The following ASTN2 variants were observed in gnomAD, a reference collection of about 807,000 sequenced individuals.
The protein encoded by ASTN2 is astrotactin 2.
In ASTN2, 54 loss-of-function variants were observed where a neutral mutation model predicts 139.8. The observed-to-expected ratio is 0.39, with a 90% CI of 0.31 to 0.48. The LOEUF (loss-of-function observed/expected upper bound fraction) is 0.48, where lower values mean the gene tolerates loss of function less well. Among genes scored for constraint, ASTN2 ranks in the 20% least tolerant of loss-of-function variants. The pLI, the probability that ASTN2 is intolerant of heterozygous loss-of-function variation, is 0.95. For synonymous variants in ASTN2, 756 were observed against 719.5 expected, an observed-to-expected ratio of 1.05 and a Z score of -0.81; for missense variants, 1,565 against 1,725.1, an observed-to-expected ratio of 0.91 and a Z score of 1.64.
At chr9:116,595,979 C>T (rs1854555525) in intron 19 of ASTN2, among the ~76,000 whole-genome samples, 1 of 152,166 alleles carries the variant, frequency 6.6e-6, no homozygotes, top group Non-Finnish European at 1.5e-5. Context: ...TCTGTACCCC[C>T]GTGCTCACTG....
At chr9:117,339,063 C>T (rs1015084513) in intron 1 of ASTN2, among the ~76,000 whole-genome samples, 3 of 151,942 alleles carry the variant, frequency 2.0e-5, no homozygotes, top group Admixed American at 6.6e-5. Context: ...CTGTTTGATC[C>T]CAGCTTTCCC....
chr9:117,084,260 C>A (rs1828504640), intron 5 of ASTN2, among the ~76,000 whole-genome samples: 2 of 152,182 alleles, frequency 1.3e-5, no homozygotes, highest in South Asian at 4.1e-4. Context: ...TCCAAACTCC[C>A]AGTTTCTCTG....
chr9:116,849,652 G>A (rs1021312657), intron 11 of ASTN2, among the ~76,000 whole-genome samples: 6 of 152,184 alleles, frequency 3.9e-5, no homozygotes, highest in African/African-American at 1.2e-4. Context: ...CTTGTGCCTA[G>A]CAGTGAGTTA....
intron 2 of ASTN2, among the ~76,000 whole-genome samples, chr9:117,269,830 G>T (rs1002795883): frequency 2.0e-5 from 3 of 152,170 alleles, no homozygotes; most frequent in African/African-American, 7.2e-5. Flanking sequence ...GTTGAACCAA[G>T]GCCCATGATT....
intron 1 of ASTN2, among the ~76,000 whole-genome samples, chr9:117,369,356 T>A (rs1829930486): frequency 6.6e-6 from 1 of 152,146 alleles, no homozygotes; most frequent in Non-Finnish European, 1.5e-5. Flanking sequence ...CCATTTATTG[T>A]GTGCTTTTCA....
intron 16 of ASTN2, among the ~76,000 whole-genome samples, chr9:116,664,601 C>T (rs866816572): frequency 8.6e-5 from 13 of 150,960 alleles, no homozygotes; most frequent in African/African-American, 1.2e-4. Context: ...TAGCTTTGCA[C>T]CACACAAAAG....
chr9:116,955,824 A>T (rs925402348), intron 10 of ASTN2, among the ~76,000 whole-genome samples: 1 of 152,132 alleles, frequency 6.6e-6, no homozygotes, highest in African/African-American at 2.4e-5. Context: ...TTTTCAGTGT[A>T]CTGTGTACCA....
rs144918051 is a variant in ASTN2, at chr9:117,226,039, G to A, written c.631-11297C>T. On this transcript the variant is annotated intron_variant, in intron 2 of 22. Transcript: ENST00000313400. ...ATAGTTCAGCAAGCTCCATGTAAGA[G>A]GGAAACATGGTAAGGGGCAAAGAGT... Among the ~76,000 whole-genome samples, 629 of 152,266 alleles carry A rather than the reference G, an allele frequency of 4.1e-3. 6 individuals carry two copies. The highest frequency in any genetic ancestry group is 0.024 in the South Asian group (116 of 4,824).
chr9:116,882,828 T>TA (rs201560268), intron 10 of ASTN2, among the ~76,000 whole-genome samples: 2,771 of 144,348 alleles, frequency 0.019, 78 homozygotes, highest in Admixed American at 0.088. Context: ...CCTTGACTCT[T>TA]AAAAAAAAAA....
At chr9:116,665,537 A>G (rs1210611940) in intron 16 of ASTN2, among the ~76,000 whole-genome samples, 2 of 152,134 alleles carry the variant, frequency 1.3e-5, no homozygotes. Context: ...AAATACCCCT[A>G]CTGCCCAGAC....
intron 19 of ASTN2, among the ~76,000 whole-genome samples, chr9:116,600,323 C>CAAAAAAAAAAAAAAAAAAAA: frequency 8.4e-6 from 1 of 118,940 alleles, no homozygotes; most frequent in Non-Finnish European, 1.7e-5. Flanking sequence ...GACCCTGTCT[C>CAAAAAAAAAAAAAAAAAAAA]AAAAAAAAAA....
At chr9:116,780,873 CT>C (rs1830201879) in intron 13 of ASTN2, among the ~76,000 whole-genome samples, 1 of 145,194 alleles carries the variant, frequency 6.9e-6, no homozygotes, top group East Asian at 2.0e-4. Flanking sequence ...GTGTTTTGCT[CT>C]TGTTACCCAG....
At chr9:116,928,379 G>A (rs1282654559) in intron 10 of ASTN2, among the ~76,000 whole-genome samples, 1 of 17,518 alleles carries the variant, frequency 5.7e-5, no homozygotes, top group African/African-American at 1.4e-4. Flanking sequence ...ACATTTTTCA[G>A]ATATTCTAAA....
intron 10 of ASTN2, among the ~76,000 whole-genome samples, chr9:116,935,058 G>C (rs1835030447): frequency 6.6e-6 from 1 of 152,170 alleles, no homozygotes; most frequent in South Asian, 2.1e-4. Context: ...CTGCTAGGTT[G>C]TTGTTAGGAG....
chr9:116,563,619 A>T (rs921625301), intron 19 of ASTN2, among the ~76,000 whole-genome samples: 3 of 152,072 alleles, frequency 2.0e-5, no homozygotes, highest in African/African-American at 7.2e-5. Context: ...TTTCTGACTT[A>T]CTTATTTAAA....
chr9:116,434,136 A>G (rs1260078664), intron 22 of ASTN2, among the ~76,000 whole-genome samples: 1 of 152,164 alleles, frequency 6.6e-6, no homozygotes, highest in Non-Finnish European at 1.5e-5. Context: ...AATTGAAGAT[A>G]CCTTCAATTA....
intron 13 of ASTN2, among the ~76,000 whole-genome samples, chr9:116,765,297 C>T (rs552014307): frequency 2.6e-5 from 4 of 152,236 alleles, no homozygotes; most frequent in African/African-American, 7.2e-5. Flanking sequence ...GTTCCTGGCC[C>T]CAGAGTCGGG....
intron 3 of ASTN2, among the ~76,000 whole-genome samples, chr9:117,151,015 T>A (rs1294213872): frequency 1.3e-5 from 2 of 152,026 alleles, no homozygotes; most frequent in Admixed American, 1.3e-4. Context: ...AATGAGTACA[T>A]TTTTATTGTG....
intron 2 of ASTN2, among the ~76,000 whole-genome samples, chr9:117,266,040 C>A (rs1010355247): frequency 6.6e-6 from 1 of 152,204 alleles, no homozygotes; most frequent in Non-Finnish European, 1.5e-5. Flanking sequence ...CTAGGCTTAA[C>A]TCCCTGTGAC....
Sources: allele counts gnomAD v4.1 joint callset (sites outside exome capture counted in the v4.1 genomes callset), GRCh38; gene constraint gnomAD v4.1.1; transcripts MANE v1.5; gene names NCBI Gene and HGNC (gene_info 2026-07-23, HGNC 2026-07-21).